Variants in CYP27C1 observed in about 807,000 individuals in gnomAD.
CYP27C1 encodes the protein cytochrome P450 27C1.
Under a neutral mutation model 40.6 loss-of-function variants are expected in CYP27C1, and 29 were observed. The ratio of observed to expected loss-of-function variants is 0.71; its 90% confidence interval spans 0.53 to 0.97. CYP27C1 has a LOEUF of 0.97. CYP27C1 is among the 50% of genes least tolerant of loss of function. CYP27C1 has a pLI of 0.00. For synonymous variants in CYP27C1, 198 were observed against 186.8 expected (o/e 1.06, Z -0.49); for missense variants, 390 against 485.8 (o/e 0.80, Z 1.85).
Position 127,219,740 on chromosome 2 carries a change from C to T in CYP27C1, c.282+249G>A, listed in dbSNP as rs181928812. ...CAACGCCCCCGCCCCGCTCCCGGTTCCTGCCTCCTCCACCCCGGATCGCCT... is the reference window on the plus strand; with the variant it reads ...CAACGCCCCCGCCCCGCTCCCGGTTTCTGCCTCCTCCACCCCGGATCGCCT... On this transcript the variant is annotated intron_variant, in intron 1 of 8. Transcript: ENST00000664447. This position sits in a 1 kb window ranked among gnomAD's most constrained non-coding sequence, Gnocchi z 8.7. 8.5e-3 allele frequency among the ~76,000 whole-genome samples: 1,263 copies of T among 148,948 alleles called. 16 individuals carry two copies. The highest frequency in any genetic ancestry group is 0.03 in the African/African-American group (1,201 of 40,658).
rs1339542762 is a variant in CYP27C1, at chr2:127,190,336, TTTTTTC to T, written c.1497+2752_1497+2757del. Reference sequence around the variant, plus strand: ...TGGTACTATTTGTGGCTTCTCTTTTTTTTTTCTTTTTTTTTTTTTTTTTTGAGACAG... The same window carrying T: ...TGGTACTATTTGTGGCTTCTCTTTTTTTTTTTTTTTTTTTTTTTGAGACAG... On this transcript the variant is annotated intron_variant, in intron 8 of 8. Coordinates refer to ENST00000664447, the MANE Select transcript of CYP27C1 (RefSeq NM_001367502.1). 1.7e-4 allele frequency among the ~76,000 whole-genome samples: 19 copies of T among 113,364 alleles called. No individual in the cohort carries two copies. In the East Asian group the frequency reaches 4.9e-3, roughly 29 times the overall value. The allele number at this position is 113,364 out of a possible 152,430, so 74.4% of individuals were successfully genotyped here. A position where few individuals can be genotyped will look rare whatever the true frequency, so the allele number is the denominator to read the frequency against.
rs1233512784 is a variant in CYP27C1, at chr2:127,218,761, G to A, written c.282+1228C>T. Among the ~76,000 whole-genome samples the A allele has an allele frequency of 6.6e-6, 1 of 152,198 alleles. No individual in the cohort carries two copies. The highest frequency in any genetic ancestry group is 1.5e-5 in the Non-Finnish European group (1 of 68,028). On this transcript the variant is annotated intron_variant, in intron 1 of 8. Coordinates refer to ENST00000664447, the MANE Select transcript of CYP27C1 (RefSeq NM_001367502.1). This position sits in a 1 kb window ranked among gnomAD's most constrained non-coding sequence, Gnocchi z 6.0. ...AGAAGGACAGGCCTGGGTGGGAGGA[G>A]AAGGGGGCGTTCTCGGAAGACACCA...
rs577699470 is a variant in CYP27C1, at chr2:127,201,413, T to C, written c.674-82A>G. On this transcript the variant is annotated intron_variant, in intron 3 of 8. Coordinates refer to ENST00000664447, the MANE Select transcript of CYP27C1 (RefSeq NM_001367502.1). This position sits in a 1 kb window ranked among gnomAD's most constrained non-coding sequence, Gnocchi z 6.0. Reference sequence around the variant, plus strand: ...GCAATGTTGGGCCATAAATGCAACTTTCAAACGTGGTCCAGGTGCCTTTCA... The same window carrying C: ...GCAATGTTGGGCCATAAATGCAACTCTCAAACGTGGTCCAGGTGCCTTTCA... 1.7e-5 allele frequency: 23 copies of C among 1,382,490 alleles called. No homozygotes were observed. The highest frequency in any genetic ancestry group is 1.9e-5 in the Admixed American group (1 of 51,660). The allele number at this position is 1,382,490 out of a possible 1,614,324, so 85.6% of individuals were successfully genotyped here.
intron 6 of CYP27C1, among the ~76,000 whole-genome samples, chr2:127,194,322 C>T (rs1295507045): frequency 2.0e-5 from 3 of 152,164 alleles, no homozygotes; most frequent in African/African-American, 7.2e-5. Context: ...CCACAGCCAG[C>T]TGCTTCTTTT....
chr2:127,199,665 C>A, intron 4 of CYP27C1, 126 bp from the exon 5 acceptor site: 1 of 914,560 alleles, frequency 1.1e-6, no homozygotes, highest in Non-Finnish European at 1.6e-6. Context: ...TAAGGAAACC[C>A]AATTTATCTA....
chr2:127,204,614 A>C (rs146897335), intron 2 of CYP27C1, among the ~76,000 whole-genome samples: 41 of 104,246 alleles, frequency 3.9e-4, no homozygotes, highest in African/African-American at 1.5e-3. Context: ...AGAAAGAAAG[A>C]AAGAAAGAAA....
chr2:127,208,415 G>A lies in CYP27C1; in HGVS notation c.283-2325C>T, dbSNP rs1683274044. ...CCACTCTCGAACCCATGCCACCAGA[G>A]CCAAGCATCCCAACCCTGGTATGCA... On this transcript the variant is annotated intron_variant, in intron 1 of 8. Transcript: ENST00000664447. The surrounding 1 kb of genome is among the most constrained non-coding windows in gnomAD (Gnocchi z 5.2). Among the ~76,000 whole-genome samples the A allele has an allele frequency of 6.6e-6, 1 of 152,164 alleles. No homozygotes were observed. Among genetic ancestry groups the A allele is most frequent in the South Asian group, 2.1e-4 (1 of 4,822 alleles).
In CYP27C1 at chr2:127,196,933, T is replaced by C. The variant is rs1182921603; in HGVS notation, c.1048-1432A>G. Among the ~76,000 whole-genome samples, 2 of 152,248 alleles carry C rather than the reference T, an allele frequency of 1.3e-5. No homozygotes were observed. Among genetic ancestry groups the C allele is most frequent in the Admixed American group, 6.5e-5 (1 of 15,286 alleles). On this transcript the variant is annotated intron_variant, in intron 5 of 8. Coordinates refer to ENST00000664447, the MANE Select transcript of CYP27C1 (RefSeq NM_001367502.1). This position sits in a 1 kb window ranked among gnomAD's most constrained non-coding sequence, Gnocchi z 4.5. ...AATGATTCCATCTGTCAAAAATCTG[T>C]ATCGCATTATGCAGTTTAAATGGAG... is the stretch of plus-strand genomic sequence containing the variant.
chr2:127,205,201 AGGAC>A (rs1683198749), intron 2 of CYP27C1, among the ~76,000 whole-genome samples: 1 of 152,188 alleles, frequency 6.6e-6, no homozygotes. Flanking sequence ...TATTTCCCCC[AGGAC>A]GGAAATTGAG....
chr2:127,194,352 A>G (rs1461903684), intron 6 of CYP27C1, among the ~76,000 whole-genome samples: 1 of 152,314 alleles, frequency 6.6e-6, no homozygotes, highest in East Asian at 1.9e-4. Context: ...TTGAGGTTCA[A>G]CAGCATGCTA....
chr2:127,201,429 G>T lies in CYP27C1; in HGVS notation c.674-98C>A. The T allele has an allele frequency of 8.4e-7, 1 of 1,188,488 alleles. No homozygotes were observed. Among genetic ancestry groups the T allele is most frequent in the Non-Finnish European group, 1.2e-6 (1 of 841,130 alleles). The allele number at this position is 1,188,488 out of a possible 1,614,324, so 73.6% of individuals were successfully genotyped here. A position where few individuals can be genotyped will look rare whatever the true frequency, so the allele number is the denominator to read the frequency against. On this transcript the variant is annotated intron_variant, in intron 3 of 8. Transcript: ENST00000664447. The surrounding 1 kb of genome is among the most constrained non-coding windows in gnomAD (Gnocchi z 6.0). ...AATGCAACTTTCAAACGTGGTCCAGGTGCCTTTCATGAATGAGGCATCGTC... is the reference window on the plus strand; with the variant it reads ...AATGCAACTTTCAAACGTGGTCCAGTTGCCTTTCATGAATGAGGCATCGTC...
chr2:127,195,291 C>T lies in CYP27C1; in HGVS notation c.1214+44G>A. 6.2e-7 allele frequency: 1 copy of T among 1,612,330 alleles called. No individual in the cohort carries two copies. The highest frequency in any genetic ancestry group is 8.5e-7 in the Non-Finnish European group (1 of 1,179,066). ...ACTTGTTGTGATAGAGAACCAGGGA[C>T]CTAAGGGACACAGTTTGTTGACGGA... On this transcript the variant is annotated intron_variant, in intron 6 of 8. Coordinates refer to ENST00000664447, the MANE Select transcript of CYP27C1 (RefSeq NM_001367502.1). The surrounding 1 kb of genome is among the most constrained non-coding windows in gnomAD (Gnocchi z 6.2).
At chr2:127,216,822 G>T (rs901387042) in intron 1 of CYP27C1, among the ~76,000 whole-genome samples, 9 of 152,134 alleles carry the variant, frequency 5.9e-5, no homozygotes, top group African/African-American at 2.2e-4. Context: ...AAGTTACTAA[G>T]ACTCTCTTTG....
chr2:127,215,644 T>A (rs1175814335), intron 1 of CYP27C1, among the ~76,000 whole-genome samples: 1 of 152,134 alleles, frequency 6.6e-6, no homozygotes, highest in Non-Finnish European at 1.5e-5. Context: ...CCAAGGCAGG[T>A]GGATTGCTTG....
intron 1 of CYP27C1, among the ~76,000 whole-genome samples, chr2:127,206,456 A>G (rs893414123): frequency 1.1e-4 from 17 of 151,888 alleles, no homozygotes; most frequent in Admixed American, 9.8e-4. Context: ...CTGCAGGTGC[A>G]CACCTCCACT....
At position 127,187,240 on chromosome 2, in the gene CYP27C1, T is replaced by A; in HGVS notation, c.*31A>T. On this transcript the variant is annotated 3_prime_UTR_variant, in exon 9 of 9. Transcript: ENST00000664447. ...CCCACTGTGTGTCGGCGAGCTGGTC[T>A]GCTACATCAGCCCAGGTTTAAAATC... 9.6e-6 allele frequency: 15 copies of A among 1,569,834 alleles called. No homozygotes were observed. Among genetic ancestry groups the A allele is most frequent in the Non-Finnish European group, 1.1e-5 (13 of 1,140,064 alleles).
chr2:127,219,452 C>T lies in CYP27C1; in HGVS notation c.282+537G>A, dbSNP rs1683504314. Among the ~76,000 whole-genome samples, 1 of 151,978 alleles carries T rather than the reference C, an allele frequency of 6.6e-6. No individual in the cohort carries two copies. The highest frequency in any genetic ancestry group is 1.5e-5 in the Non-Finnish European group (1 of 67,962). ...CCAACCAGGCAATCCCTGCCTGGGT[C>T]CCTCCCCGGGACCAGTCCCTGGAGA... On this transcript the variant is annotated intron_variant, in intron 1 of 8. Coordinates refer to ENST00000664447, the MANE Select transcript of CYP27C1 (RefSeq NM_001367502.1). The surrounding 1 kb of genome is among the most constrained non-coding windows in gnomAD (Gnocchi z 8.7).
rs1278596757 is a variant in CYP27C1, at chr2:127,200,815, T to C, written c.883+307A>G. ...ATCTCTACTAAAAATACAAAATAAT[T>C]AGCCAGGCATGGTGGCAGGTGCCTG... is the stretch of plus-strand genomic sequence containing the variant. On this transcript the variant is annotated intron_variant, in intron 4 of 8. Coordinates refer to ENST00000664447, the MANE Select transcript of CYP27C1 (RefSeq NM_001367502.1). The surrounding 1 kb of genome is among the most constrained non-coding windows in gnomAD (Gnocchi z 4.2). Among the ~76,000 whole-genome samples the C allele has an allele frequency of 6.6e-6, 1 of 151,880 alleles. No homozygotes were observed. The highest frequency in any genetic ancestry group is 1.5e-5 in the Non-Finnish European group (1 of 67,966).
At chr2:127,205,751 G>A (rs1259759904) in intron 2 of CYP27C1, 149 bp downstream of exon 2, 1 of 985,512 alleles carries the variant, frequency 1.0e-6, no homozygotes, top group Non-Finnish European at 1.2e-6. Flanking sequence ...ATGTCTGGGA[G>A]ATCGCACAAG....
Sources: gnomAD v4.1 joint callset for allele counts (sites outside exome capture counted in the v4.1 genomes callset) on GRCh38, gnomAD v4.1.1 for gene constraint, Gnocchi (gnomAD v3.1) non-coding constraint, MANE v1.5 for transcripts, NCBI Gene and HGNC (gene_info 2026-07-23, HGNC 2026-07-21) for gene names.